The following WRAP53 variants were observed in gnomAD, a reference collection of about 807,000 sequenced individuals.
WRAP53 encodes the protein telomerase Cajal body protein 1.
A neutral mutation model predicts 56.6 loss-of-function variants in WRAP53; 28 were observed. The observed-to-expected ratio is 0.50, with a 90% CI of 0.37 to 0.68. WRAP53 has a LOEUF of 0.68. Among genes scored for constraint, WRAP53 ranks in the 30% least tolerant of loss-of-function variants. The pLI, the probability that WRAP53 is intolerant of heterozygous loss-of-function variation, is 0.00. For synonymous variants in WRAP53, 283 were observed against 283.4 expected, an observed-to-expected ratio of 1.00 and a Z score of 0.01; for missense variants, 671 against 715.5, an observed-to-expected ratio of 0.94 and a Z score of 0.71.
At chr17:7,687,446 C>G (rs961276468), upstream of WRAP53, 1 of 398,600 alleles carries the variant, frequency 2.5e-6, no homozygotes, top group Non-Finnish European at 4.4e-6. Flanking sequence ...GTCCCCGGAG[C>G]CCAGCAGCTA....
Position 7,702,879 on chromosome 17 carries a change from C to T in WRAP53, c.1268+33C>T. The T allele has an allele frequency of 6.2e-7, 1 of 1,613,120 alleles. No individual in the cohort carries two copies. The highest frequency in any genetic ancestry group is 8.5e-7 in the Non-Finnish European group (1 of 1,179,708). On this transcript the variant is annotated intron_variant, in intron 9 of 10. Transcript: ENST00000396463. The surrounding 1 kb of genome is among the most constrained non-coding windows in gnomAD (Gnocchi z 5.0). ...GCTGTGACTCCTTCCTACACAGGGC[C>T]CTGATAAGCCTAGGAATGCCAGAGC...
rs2074167902 is a variant in WRAP53, at chr17:7,695,287, T to C, written c.643-5454T>C. On this transcript the variant is annotated intron_variant, in intron 4 of 10. Coordinates refer to ENST00000396463, the MANE Select transcript of WRAP53 (RefSeq NM_001143992.2). ...GATAAAATTTGTATAGGTCAGAAAATTGGGGAAGGGTGTATTTGGGTATTT... is the reference window on the plus strand; with the variant it reads ...GATAAAATTTGTATAGGTCAGAAAACTGGGGAAGGGTGTATTTGGGTATTT... Among the ~76,000 whole-genome samples the C allele has an allele frequency of 4.6e-5, 7 of 152,110 alleles. No homozygotes were observed. The South Asian group carries it at 1.4e-3, about 31-fold the overall frequency.
At chr17:7,690,306 G>A (rs2151086721) in intron 4 of WRAP53, among the ~76,000 whole-genome samples, 1 of 152,298 alleles carries the variant, frequency 6.6e-6, no homozygotes, top group South Asian at 2.1e-4. Context: ...GGGATAAAGT[G>A]GTGGACAAGA....
At chr17:7,687,122 A>C (rs1489107773), upstream of WRAP53, 20 of 394,698 alleles carry the variant, frequency 5.1e-5, no homozygotes, top group Non-Finnish European at 8.5e-5. Flanking sequence ...AGGTTCCCCA[A>C]AGCTCCACTC....
At chr17:7,693,130 A>T (rs1279991797) in intron 4 of WRAP53, among the ~76,000 whole-genome samples, 11 of 151,292 alleles carry the variant, frequency 7.3e-5, no homozygotes, top group Admixed American at 7.2e-4. Context: ...GCACTCAGGC[A>T]CTCAGGGCTC....
chr17:7,688,513 C>G lies in WRAP53; in HGVS notation c.-50C>G. ...AAGAATTGGCGTCCGCTGTTCGCCTCTCCTCCCGGGAGTCTTCTGCCTACT... is the reference window on the plus strand; with the variant it reads ...AAGAATTGGCGTCCGCTGTTCGCCTGTCCTCCCGGGAGTCTTCTGCCTACT... On this transcript the variant is annotated 5_prime_UTR_variant, in exon 1 of 11. Transcript: ENST00000396463. The G allele has an allele frequency of 3.2e-6, 3 of 929,208 alleles. No individual in the cohort carries two copies. Among genetic ancestry groups the G allele is most frequent in the Non-Finnish European group, 4.8e-6 (3 of 623,314 alleles). 57.6% of individuals were successfully genotyped at this position (929,208 alleles called of 1,614,324 possible).
rs979774047 is a variant in WRAP53, at chr17:7,689,534, C to T, written c.531-56C>T. The T allele has an allele frequency of 5.9e-6, 9 of 1,537,574 alleles. No homozygotes were observed. In the African/African-American group the frequency reaches 9.6e-5, roughly 16 times the overall value. ...ACCCCAGAGGCAGGCTCAGCCCTAG[C>T]CCTACACTTGAAAAGCATAGGTCTG... On this transcript the variant is annotated intron_variant, in intron 3 of 10. Coordinates refer to ENST00000396463, the MANE Select transcript of WRAP53 (RefSeq NM_001143992.2).
chr17:7,695,549 T>C (rs9892735), intron 4 of WRAP53, among the ~76,000 whole-genome samples: 23,829 of 151,872 alleles, frequency 0.16, 4,397 homozygotes, highest in African/African-American at 0.45. Context: ...GGACGGGGAA[T>C]GTCCTCATTC....
Position 7,701,839 on chromosome 17 carries a change from C to T in WRAP53, c.955+50C>T. 1.3e-6 allele frequency: 2 copies of T among 1,593,952 alleles called. No individual in the cohort carries two copies. Among genetic ancestry groups the T allele is most frequent in the Non-Finnish European group, 1.7e-6 (2 of 1,170,242 alleles). On this transcript the variant is annotated intron_variant, in intron 7 of 10. Transcript: ENST00000396463. This position sits in a 1 kb window ranked among gnomAD's most constrained non-coding sequence, Gnocchi z 4.2. ...GGAGGAGAGGGAAGGGCACTGCCAC[C>T]TGCACAGGGGCCTTTTGTGAGCCGG...
chr17:7,688,622 T>G (rs1231253035), intron 1 of WRAP53, 26 bp from the exon 2 acceptor site: 1 of 1,613,620 alleles, frequency 6.2e-7, no homozygotes, highest in East Asian at 2.2e-5. Flanking sequence ...TGGCTGAGGC[T>G]AATCTCCGCT....
At chr17:7,695,021 C>G (rs2074163495) in intron 4 of WRAP53, among the ~76,000 whole-genome samples, 1 of 151,724 alleles carries the variant, frequency 6.6e-6, no homozygotes, top group Non-Finnish European at 1.5e-5. Context: ...GGCGCGATCT[C>G]AGCTCACTGC....
chr17:7,693,382 C>T (rs2074140444), intron 4 of WRAP53, among the ~76,000 whole-genome samples: 1 of 152,074 alleles, frequency 6.6e-6, no homozygotes, highest in Non-Finnish European at 1.5e-5. Flanking sequence ...ATAATAGCAC[C>T]TGCCTCACAG....
Position 7,689,270 on chromosome 17 carries a change from T to A in WRAP53, c.478T>A (p.Ser160Thr). The change falls in exon 3 of 11, where the codon TCC becomes ACC. Residue 160 changes from serine (S) to threonine (T), a missense_variant. Physicochemically the swap from Ser to Thr is moderately conservative, Grantham distance 58. Around this residue, in one of 3 missense-constraint regions of WRAP53, gnomAD observed 406 missense variants for 418.5 expected, o/e 0.97. Coordinates refer to ENST00000396463, the MANE Select transcript of WRAP53 (RefSeq NM_001143992.2). ...CCAGCTGCCTCGATTTCTCAGTGGT[T>A]CCTGGTCAGAGTTCAGCACCCAACC... ...FSQLPRFLSG[S>T]WSEFSTQPEN... 1 of 1,614,040 alleles carries A rather than the reference T, an allele frequency of 6.2e-7. No homozygotes were observed. The highest frequency in any genetic ancestry group is 1.3e-5 in the African/African-American group (1 of 74,976).
intron 4 of WRAP53, among the ~76,000 whole-genome samples, chr17:7,690,685 G>A (rs1213407077): frequency 6.6e-6 from 1 of 152,204 alleles, no homozygotes; most frequent in African/African-American, 2.4e-5. Flanking sequence ...GCCGAGGTGT[G>A]CAGATCACTT....
At position 7,702,390 on chromosome 17, in the gene WRAP53, C is replaced by T; in HGVS notation, c.1002C>T (p.Ser334=). 6.2e-7 allele frequency: 1 copy of T among 1,614,138 alleles called. No individual in the cohort carries two copies. Among genetic ancestry groups the T allele is most frequent in the Non-Finnish European group, 8.5e-7 (1 of 1,180,026 alleles). ...GCATCATCTCCTGCATAGCCTTCAGCCCAGCCCAGCCCCTCTATGCCTGTG... is the reference window on the plus strand; with the variant it reads ...GCATCATCTCCTGCATAGCCTTCAGTCCAGCCCAGCCCCTCTATGCCTGTG... ...QSGIISCIAF[S]PAQPLYACGS... The change falls in exon 8 of 11, where the codon AGC becomes AGT. Residue 334 remains serine (S), a synonymous_variant. Coordinates refer to ENST00000396463, the MANE Select transcript of WRAP53 (RefSeq NM_001143992.2). The surrounding 1 kb of genome is among the most constrained non-coding windows in gnomAD (Gnocchi z 5.0).
upstream of WRAP53, chr17:7,688,403 C>G (rs1410038802): frequency 3.6e-6 from 2 of 556,956 alleles, no homozygotes; most frequent in Non-Finnish European, 6.4e-6. Flanking sequence ...CGGGATGCGG[C>G]GGCCCAATCG....
At chr17:7,686,327 T>C (rs2073966716), upstream of WRAP53, 19 of 152,184 alleles carry the variant, frequency 1.2e-4, no homozygotes, top group Admixed American at 1.2e-3. Flanking sequence ...TCCGGGAAGA[T>C]GAGATATACT....
In WRAP53 at chr17:7,701,679, C is replaced by T; in HGVS notation, c.845C>T (p.Ser282Leu). Residue 282 changes from serine (S) to leucine (L), a missense_variant, in exon 7 of 11, where the codon TCG becomes TTG. This residue lies in a region of WRAP53 where 406 missense variants were observed against 418.5 expected (regional missense o/e 0.97). Coordinates refer to ENST00000396463, the MANE Select transcript of WRAP53 (RefSeq NM_001143992.2). The surrounding 1 kb of genome is among the most constrained non-coding windows in gnomAD (Gnocchi z 4.2). ...NHLDELTAAH[S>L]LCFSPDGSQL... ...CAGGATGAGCTGACGGCAGCCCATT[C>T]GCTCTGCTTCTCCCCGGATGGCTCC... is the stretch of plus-strand genomic sequence containing the variant. 2.5e-6 allele frequency: 4 copies of T among 1,614,252 alleles called. No homozygotes were observed. The highest frequency in any genetic ancestry group is 2.2e-5 in the East Asian group (1 of 44,882).
intron 4 of WRAP53, among the ~76,000 whole-genome samples, chr17:7,699,972 A>G (rs2074252518): frequency 6.6e-6 from 1 of 151,760 alleles, no homozygotes; most frequent in Non-Finnish European, 1.5e-5. Flanking sequence ...GGCTCAAGTG[A>G]TCTGCCTGCC....
Sources: gnomAD v4.1 joint callset for allele counts (sites outside exome capture counted in the v4.1 genomes callset) on GRCh38, gnomAD v4.1.1 for gene constraint, gnomAD v4.1.1 regional missense constraint, Gnocchi (gnomAD v3.1) non-coding constraint, MANE v1.5 for transcripts, NCBI Gene and HGNC (gene_info 2026-07-23, HGNC 2026-07-21) for gene names.